FBXW8: variants seen among roughly 807,000 people sequenced by gnomAD.
FBXW8 encodes the protein F-box and WD repeat domain containing 8.
FBXW8 carries 57 observed loss-of-function variants against 65.3 expected under a neutral mutation model. That is an observed-to-expected ratio of 0.87 (90% CI 0.71 to 1.09). FBXW8 has a LOEUF of 1.09. Among genes scored for constraint, FBXW8 ranks in the 50% least tolerant of loss-of-function variants. FBXW8 has a pLI of 0.00. For synonymous variants in FBXW8, 308 were observed against 330.2 expected (o/e 0.93, Z 0.73); for missense variants, 777 against 814.8 (o/e 0.95, Z 0.57).
At chr12:116,998,253 T>C (rs1046224056) in intron 7 of FBXW8, among the ~76,000 whole-genome samples, 3 of 152,238 alleles carry the variant, frequency 2.0e-5, no homozygotes, top group African/African-American at 4.8e-5. Context: ...CGAAGCCTTA[T>C]TGGAGAGGGC....
chr12:117,029,827 G>T lies in FBXW8; in HGVS notation c.*1655G>T, dbSNP rs538207943. ...GGATATTGCTATGTTGGCCAGGCTGGTCTCAAACTTCTGACCTCAAATGAT... is the reference window on the plus strand; with the variant it reads ...GGATATTGCTATGTTGGCCAGGCTGTTCTCAAACTTCTGACCTCAAATGAT... On this transcript the variant is annotated 3_prime_UTR_variant, in exon 11 of 11. Transcript: ENST00000652555. 2.6e-5 allele frequency: 4 copies of T among 151,986 alleles called. No homozygotes were observed. In the South Asian group the frequency reaches 6.2e-4, roughly 24 times the overall value. 9.4% of individuals were successfully genotyped at this position (151,986 alleles called of 1,614,324 possible).
intron 10 of FBXW8, 101 bp downstream of exon 10, chr12:117,027,605 C>A: frequency 1.1e-6 from 1 of 915,046 alleles, no homozygotes. Context: ...TGGGCTATAC[C>A]CTCAGGCAGG....
intron 5 of FBXW8, among the ~76,000 whole-genome samples, chr12:116,981,801 A>G (rs1885325754): frequency 6.6e-6 from 1 of 152,198 alleles, no homozygotes; most frequent in Admixed American, 6.5e-5. Context: ...TTTACTAGAG[A>G]CGGGGTTTCA....
Position 116,911,333 on chromosome 12 carries a change from T to C in FBXW8, c.296T>C (p.Val99Ala), listed in dbSNP as rs978104903. Residue 99 changes from valine (V) to alanine (A), a missense_variant, in exon 1 of 11, where the codon GTG becomes GCG. Transcript: ENST00000652555. ...GGCGCCGGGGGCGGGGAGCAGCTGGTGGACCAGCTCATCCGCGACCTGGTG... is the reference window on the plus strand; with the variant it reads ...GGCGCCGGGGGCGGGGAGCAGCTGGCGGACCAGCTCATCCGCGACCTGGTG... Reference protein sequence around the residue: ...REGAGGGEQLVDQLIRDLNEM... With the variant: ...REGAGGGEQLADQLIRDLNEM... 7.8e-7 allele frequency: 1 copy of C among 1,283,072 alleles called. No homozygotes were observed. Among genetic ancestry groups the C allele is most frequent in the East Asian group, 3.1e-5 (1 of 32,098 alleles). The allele number at this position is 1,283,072 out of a possible 1,614,324, so 79.5% of individuals were successfully genotyped here.
At chr12:117,001,346 C>T (rs1953516102) in intron 7 of FBXW8, among the ~76,000 whole-genome samples, 1 of 147,742 alleles carries the variant, frequency 6.8e-6, no homozygotes. Flanking sequence ...ATTTTAGCTG[C>T]CTGCCTGCCC....
intron 5 of FBXW8, among the ~76,000 whole-genome samples, chr12:116,975,062 A>G (rs1023274181): frequency 1.3e-5 from 2 of 152,222 alleles, no homozygotes; most frequent in South Asian, 4.1e-4. Flanking sequence ...ATTGGTATCA[A>G]TAAATACTTG....
intron 5 of FBXW8, among the ~76,000 whole-genome samples, chr12:116,974,291 G>A (rs890782146): frequency 6.6e-6 from 1 of 152,220 alleles, no homozygotes; most frequent in African/African-American, 2.4e-5. Context: ...CCTGGATCAG[G>A]GAAAGAACTA....
intron 3 of FBXW8, among the ~76,000 whole-genome samples, chr12:116,947,935 C>T (rs775560026): frequency 2.3e-4 from 35 of 152,136 alleles, no homozygotes; most frequent in Non-Finnish European, 4.4e-4. Flanking sequence ...AGTGCTCAGG[C>T]GAGGTTGGCT....
intron 8 of FBXW8, 133 bp from the exon 9 acceptor site, chr12:117,024,014 G>A (rs779521018): frequency 2.0e-5 from 17 of 836,242 alleles, no homozygotes; most frequent in Admixed American, 8.0e-5. Context: ...CCTTATTATC[G>A]ATGTTTGTTT....
chr12:117,001,739 C>T (rs1376894225), intron 7 of FBXW8, among the ~76,000 whole-genome samples: 1 of 152,176 alleles, frequency 6.6e-6, no homozygotes, highest in Non-Finnish European at 1.5e-5. Context: ...TAAGGATTTT[C>T]AGCTCCCAGT....
chr12:116,985,405 G>A lies in FBXW8; in HGVS notation c.1032+3G>A, dbSNP rs1565927312. On this transcript the variant is annotated splice_donor_region_variant and intron_variant, in intron 6 of 10. Coordinates refer to ENST00000652555, the MANE Select transcript of FBXW8 (RefSeq NM_153348.3). ...CGGAATTTGAAGTTCCGAAACTGGT[G>A]AGCTTTTTAGTCTGGTCATCTTATT... is the stretch of plus-strand genomic sequence containing the variant. The A allele has an allele frequency of 1.9e-6, 3 of 1,611,512 alleles. No individual in the cohort carries two copies. Among genetic ancestry groups the A allele is most frequent in the Middle Eastern group, 1.7e-4 (1 of 6,040 alleles).
chr12:116,983,570 A>G (rs1483733080), intron 5 of FBXW8, among the ~76,000 whole-genome samples: 1 of 152,210 alleles, frequency 6.6e-6, no homozygotes, highest in African/African-American at 2.4e-5. Flanking sequence ...CCTTTATAGT[A>G]AGATCCTAAA....
chr12:117,019,855 T>C (rs1954047581), intron 8 of FBXW8, among the ~76,000 whole-genome samples: 2 of 152,220 alleles, frequency 1.3e-5, no homozygotes, highest in South Asian at 4.1e-4. Flanking sequence ...GTTGTTAATG[T>C]TTCAAGTACG....
At position 117,028,089 on chromosome 12, in the gene FBXW8, C is replaced by T. The variant is rs1433141584; in HGVS notation, c.1714C>T (p.Leu572Phe). ...GGACCAGCTGGCCTTCCAGAGCCCT[C>T]TCCCTGTCTGCCGTTCATCCTGTGA... The part of the protein sequence containing the change: ...AVDQLAFQSP[L>F]PVCRSSCDAM... Residue 572 changes from leucine to phenylalanine, a missense_variant, in exon 11 of 11, where the codon CTC (leucine) becomes TTC (phenylalanine). By Grantham distance (22) the Leu-to-Phe change is conservative (BLOSUM62 0). Transcript: ENST00000652555. This position sits in a 1 kb window ranked among gnomAD's most constrained non-coding sequence, Gnocchi z 4.1. 1 of 1,614,158 alleles carries T rather than the reference C, an allele frequency of 6.2e-7. No homozygotes were observed. Among genetic ancestry groups the T allele is most frequent in the East Asian group, 2.2e-5 (1 of 44,878 alleles).
Position 117,023,408 on chromosome 12 carries a change from T to C in FBXW8, c.1368-739T>C, listed in dbSNP as rs375115562. On this transcript the variant is annotated intron_variant, in intron 8 of 10. Coordinates refer to ENST00000652555, the MANE Select transcript of FBXW8 (RefSeq NM_153348.3). ...AAATGTAATGAATTTGATTTACTTTTAGCCTTTGGCTTATTGTAGAAACCA... is the reference window on the plus strand; with the variant it reads ...AAATGTAATGAATTTGATTTACTTTCAGCCTTTGGCTTATTGTAGAAACCA... Among the ~76,000 whole-genome samples the C allele has an allele frequency of 1.2e-4, 18 of 152,354 alleles. No individual in the cohort carries two copies. The East Asian group carries it at 3.3e-3, about 28-fold the overall frequency.
At chr12:116,939,171 G>T (rs1054572563) in intron 2 of FBXW8, among the ~76,000 whole-genome samples, 1 of 152,194 alleles carries the variant, frequency 6.6e-6, no homozygotes, top group Non-Finnish European at 1.5e-5. Flanking sequence ...TCTTATACAG[G>T]TTGAACTTCC....
chr12:116,915,920 G>A (rs937881126), intron 1 of FBXW8, among the ~76,000 whole-genome samples: 1 of 151,684 alleles, frequency 6.6e-6, no homozygotes, highest in Non-Finnish European at 1.5e-5. Flanking sequence ...CGAAGTGCTG[G>A]AACTACAGGT....
At chr12:116,970,995 G>C (rs1166092091) in intron 5 of FBXW8, among the ~76,000 whole-genome samples, 1 of 152,078 alleles carries the variant, frequency 6.6e-6, no homozygotes, top group Non-Finnish European at 1.5e-5. Flanking sequence ...ACCAGGTATA[G>C]TCCTTGTAAA....
At chr12:116,925,037 G>T (rs1031926377) in intron 1 of FBXW8, among the ~76,000 whole-genome samples, 3 of 151,438 alleles carry the variant, frequency 2.0e-5, no homozygotes, top group Non-Finnish European at 4.4e-5. Flanking sequence ...GGAATATATT[G>T]AACACAGGAC....
Sources: allele counts gnomAD v4.1 joint callset (sites outside exome capture counted in the v4.1 genomes callset), GRCh38; gene constraint gnomAD v4.1.1; non-coding constraint Gnocchi (gnomAD v3.1); transcripts MANE v1.5; gene names NCBI Gene and HGNC (gene_info 2026-07-23, HGNC 2026-07-21).